The following CHD1L variants were observed in gnomAD, a reference collection of about 807,000 sequenced individuals.
CHD1L encodes ATP-dependent chromatin remodeler CHD1L.
Under a neutral mutation model 115.9 loss-of-function variants are expected in CHD1L, and 118 were observed. That is an observed-to-expected ratio of 1.02 (90% CI 0.88 to 1.19). The LOEUF is 1.19. Among genes scored for constraint, CHD1L ranks in the 50% most tolerant of loss-of-function variants. The probability of loss-of-function intolerance (pLI) is 0.00; values close to 1 mark genes in which losing one functional copy is unlikely to be tolerated. For synonymous variants in CHD1L, 411 were observed against 387.1 expected (o/e 1.06, Z -0.72); for missense variants, 1,179 against 1,065.3 (o/e 1.11, Z -1.49).
At chr1:147,183,906 T>G in the CHD1L span, among the ~76,000 whole-genome samples, 1 of 152,154 alleles carries the variant, frequency 6.6e-6, no homozygotes, top group African/African-American at 2.4e-5. Context: ...TATCATAAAT[T>G]TGCTAGTGGG....
the CHD1L span, among the ~76,000 whole-genome samples, chr1:147,229,079 T>C: frequency 2.6e-5 from 4 of 152,226 alleles, no homozygotes; most frequent in African/African-American, 9.6e-5. Context: ...CATGAAGTCC[T>C]TGCCCATGAC....
In CHD1L at chr1:147,255,855, G is replaced by A. The variant is rs1553939896; in HGVS notation, c.390G>A (p.Lys130=). ...CCTGTGTAACATATGCAGGCGACAAGGAGGAAAGAGCCTGCCTTCAGCAAG... is the reference window on the plus strand; with the variant it reads ...CCTGTGTAACATATGCAGGCGACAAAGAGGAAAGAGCCTGCCTTCAGCAAG... ...GLSCVTYAGD[K]EERACLQQDL... is the part of the protein sequence containing the mutation. Residue 130 remains lysine, a synonymous_variant, in exon 4 of 23, where the codon AAG becomes AAA. Coordinates refer to ENST00000369258, the MANE Select transcript of CHD1L (RefSeq NM_004284.6). 4 of 1,613,856 alleles carry A rather than the reference G, an allele frequency of 2.5e-6. No homozygotes were observed. The highest frequency in any genetic ancestry group is 3.3e-5 in the Admixed American group (2 of 60,000).
the CHD1L span, among the ~76,000 whole-genome samples, chr1:147,198,659 G>T: frequency 6.6e-6 from 1 of 151,756 alleles, no homozygotes; most frequent in Non-Finnish European, 1.5e-5. Context: ...GACCATCCTG[G>T]CTAACATGGT....
the CHD1L span, among the ~76,000 whole-genome samples, chr1:147,202,309 G>GTCTTT: frequency 3.4e-5 from 4 of 118,436 alleles, 1 homozygote; most frequent in South Asian, 5.2e-4. Context: ...CTAAAAAGCA[G>GTCTTT]TTCTTTTTTT....
the CHD1L span, among the ~76,000 whole-genome samples, chr1:147,228,244 C>A: frequency 6.6e-6 from 1 of 150,390 alleles, no homozygotes; most frequent in Non-Finnish European, 1.5e-5. Context: ...CCACCTATGA[C>A]TGAGAACATG....
chr1:147,252,377 A>G (rs903176604), intron 1 of CHD1L, among the ~76,000 whole-genome samples: 11 of 152,202 alleles, frequency 7.2e-5, no homozygotes, highest in Admixed American at 6.5e-4. Context: ...TCATTTATCA[A>G]GTGAATCAGG....
chr1:147,285,424 C>A lies in CHD1L; in HGVS notation c.1955C>A (p.Ala652Asp). The A allele has an allele frequency of 6.2e-7, 1 of 1,613,750 alleles. No homozygotes were observed. Among genetic ancestry groups the A allele is most frequent in the Non-Finnish European group, 8.5e-7 (1 of 1,179,926 alleles). ...CAGAAGAAAAGACAAGAAGCAGCTGCCAAGAGAAGGAGACTCATAGAGGAG... is the reference window on the plus strand; with the variant it reads ...CAGAAGAAAAGACAAGAAGCAGCTGACAAGAGAAGGAGACTCATAGAGGAG... Reference protein sequence around the residue: ...DRQKKRQEAAAKRRRLIEEKK... With the variant: ...DRQKKRQEAADKRRRLIEEKK... Residue 652 changes from alanine (A) to aspartate (D), a missense_variant, in exon 17 of 23, where the codon GCC (alanine) becomes GAC (aspartate). Ala to Asp is a moderately radical substitution (Grantham distance 126). Transcript: ENST00000369258.
Position 147,255,051 on chromosome 1 carries a change from T to A in CHD1L, c.347+75T>A, listed in dbSNP as rs971799783. On this transcript the variant is annotated intron_variant, in intron 3 of 22. Coordinates refer to ENST00000369258, the MANE Select transcript of CHD1L (RefSeq NM_004284.6). ...TTTTTTCTGGATGATGTATAAAATA[T>A]GATAAAACAACCTATTGTCGTAATT... is the stretch of plus-strand genomic sequence containing the variant. 4.5e-6 allele frequency: 5 copies of A among 1,103,666 alleles called. No homozygotes were observed. The African/African-American group carries it at 6.3e-5, about 14-fold the overall frequency. The allele number at this position is 1,103,666 out of a possible 1,614,324, so 68.4% of individuals were successfully genotyped here. A position where few individuals can be genotyped will look rare whatever the true frequency, so the allele number is the denominator to read the frequency against.
upstream of CHD1L, among the ~76,000 whole-genome samples, chr1:147,238,907 C>A (rs1048614229): frequency 6.6e-6 from 1 of 152,164 alleles, no homozygotes; most frequent in Admixed American, 6.5e-5. Context: ...GAGAGCCAGA[C>A]AGACTTCATC....
intron 19 of CHD1L, among the ~76,000 whole-genome samples, chr1:147,288,426 G>A (rs1553967982): frequency 6.6e-6 from 1 of 151,876 alleles, no homozygotes; most frequent in Non-Finnish European, 1.5e-5. Context: ...GGGCGTGGTG[G>A]CTCACAGCTG....
chr1:147,184,364 C>A, the CHD1L span: 1 of 1,011,012 alleles, frequency 9.9e-7, no homozygotes, highest in Non-Finnish European at 1.3e-6. The surrounding 1 kb of genome is among the most constrained non-coding windows in gnomAD (Gnocchi z 4.4). Context: ...ACATTTGTCA[C>A]AACTAATAAA....
chr1:147,223,713 T>C, the CHD1L span: 3 of 201,368 alleles, frequency 1.5e-5, no homozygotes, highest in Non-Finnish European at 2.0e-5. Flanking sequence ...CTCACCCTCT[T>C]TGTCAGATGG....
the CHD1L span, among the ~76,000 whole-genome samples, chr1:147,232,621 G>C: frequency 6.6e-6 from 1 of 151,712 alleles, no homozygotes; most frequent in East Asian, 1.9e-4. Context: ...GCCTCAGCCT[G>C]CCGAGTGCCT....
chr1:147,244,581 A>G (rs1225620787), intron 1 of CHD1L, among the ~76,000 whole-genome samples: 4 of 152,086 alleles, frequency 2.6e-5, no homozygotes, highest in African/African-American at 9.7e-5. Context: ...TAATCTCCAT[A>G]ATCTCCTTAC....
chr1:147,205,415 T>TCAAC, the CHD1L span, among the ~76,000 whole-genome samples: 1 of 152,146 alleles, frequency 6.6e-6, no homozygotes, highest in Non-Finnish European at 1.5e-5. Context: ...CCCACTAAGA[T>TCAAC]CAACATGTCC....
intron 19 of CHD1L, among the ~76,000 whole-genome samples, chr1:147,288,180 C>A (rs1008008587): frequency 2.0e-5 from 3 of 151,754 alleles, no homozygotes; most frequent in Admixed American, 6.6e-5. Flanking sequence ...TAAAAATTGG[C>A]TGGATGTGGT....
chr1:147,182,073 G>C, the CHD1L span, among the ~76,000 whole-genome samples: 1 of 152,064 alleles, frequency 6.6e-6, no homozygotes, highest in Non-Finnish European at 1.5e-5. Context: ...ATAACTAAAA[G>C]GCCAGATAGC....
chr1:147,272,136 G>A, intron 11 of CHD1L, 35 bp from the exon 12 acceptor site: 1 of 1,563,816 alleles, frequency 6.4e-7, no homozygotes, highest in Non-Finnish European at 8.8e-7. Flanking sequence ...ACTTGAAAAG[G>A]GTTAAGATTT....
the CHD1L span, among the ~76,000 whole-genome samples, chr1:147,220,481 G>T: frequency 6.6e-6 from 1 of 152,136 alleles, no homozygotes; most frequent in Non-Finnish European, 1.5e-5. Flanking sequence ...AGAAGGCCTA[G>T]AATAGAAGAC....
Sources: gnomAD v4.1 joint callset for allele counts (sites outside exome capture counted in the v4.1 genomes callset) on GRCh38, gnomAD v4.1.1 for gene constraint, Gnocchi (gnomAD v3.1) non-coding constraint, MANE v1.5 for transcripts, NCBI Gene and HGNC (gene_info 2026-07-23, HGNC 2026-07-21) for gene names.